The following CACNB2 variants were observed in gnomAD, a reference collection of about 807,000 sequenced individuals.
CACNB2 encodes calcium voltage-gated channel auxiliary subunit beta 2.
A neutral mutation model predicts 73.3 loss-of-function variants in CACNB2; 42 were observed. The observed-to-expected ratio is 0.57, with a 90% confidence interval of 0.45 to 0.74. The LOEUF (loss-of-function observed/expected upper bound fraction) is 0.74. Ranked by LOEUF, CACNB2 falls within the 30% of genes least tolerant of loss-of-function variation. The probability of loss-of-function intolerance (pLI) is 0.00; values close to 1 mark genes in which losing one functional copy is unlikely to be tolerated. For synonymous variants in CACNB2, 348 were observed against 310.3 expected (o/e 1.12, Z -1.28); for missense variants, 940 against 853.0 (o/e 1.10, Z -1.27).
intron 3 of CACNB2, among the ~76,000 whole-genome samples, chr10:18,489,411 A>AC (rs1328942519): frequency 2.7e-5 from 4 of 150,590 alleles, no homozygotes; most frequent in Non-Finnish European, 2.9e-5. Flanking sequence ...AAAAAAAAAA[A>AC]AAATCTTTCA....
At chr10:18,211,861 T>G (rs1468901301) in intron 2 of CACNB2, among the ~76,000 whole-genome samples, 1 of 32,340 alleles carries the variant, frequency 3.1e-5, no homozygotes, top group Non-Finnish European at 7.6e-5. Flanking sequence ...ATTTACGTGG[T>G]TTCTTTTTTT....
chr10:18,312,960 AATG>A (rs2040017082), intron 2 of CACNB2, among the ~76,000 whole-genome samples: 1 of 152,168 alleles, frequency 6.6e-6, no homozygotes. Context: ...CAATGCAATA[AATG>A]ATTGTTTTTC....
At chr10:18,526,240 C>A (rs2052458567) in intron 9 of CACNB2, among the ~76,000 whole-genome samples, 1 of 152,150 alleles carries the variant, frequency 6.6e-6, no homozygotes, top group Admixed American at 6.5e-5. Context: ...ATTCTGACCC[C>A]TGGGGATATA....
intron 5 of CACNB2, among the ~76,000 whole-genome samples, chr10:18,502,770 C>T (rs2050277836): frequency 7.0e-6 from 1 of 141,916 alleles, no homozygotes; most frequent in Non-Finnish European, 1.5e-5. Context: ...TGAGAACATA[C>T]ACCAGGAAGG....
At chr10:18,401,870 C>G (rs1242705091) in intron 2 of CACNB2, 54 bp from the exon 3 acceptor site, 3 of 1,597,648 alleles carry the variant, frequency 1.9e-6, no homozygotes, top group Non-Finnish European at 8.6e-7. Context: ...GAGACTTTTC[C>G]AATGCAAACA....
intron 2 of CACNB2, among the ~76,000 whole-genome samples, chr10:18,396,760 T>A (rs1050632261): frequency 4.1e-4 from 63 of 152,320 alleles, no homozygotes; most frequent in African/African-American, 1.4e-3. Context: ...TGTGAGCTAT[T>A]GTGCCTGGCC....
intron 2 of CACNB2, chr10:18,256,469 A>G (rs181352328): frequency 1.4e-4 from 22 of 152,294 alleles, no homozygotes; most frequent in Admixed American, 1.3e-3. Flanking sequence ...GTTCAATTCT[A>G]AACTCTTTGC....
chr10:18,386,399 ATTTT>A (rs10637329), intron 2 of CACNB2, among the ~76,000 whole-genome samples: 1 of 106,524 alleles, frequency 9.4e-6, no homozygotes, highest in Non-Finnish European at 1.8e-5. Context: ...TTTATTTATG[ATTTT>A]TTTTTTTTTT....
intron 2 of CACNB2, among the ~76,000 whole-genome samples, chr10:18,178,266 A>G (rs2033705435): frequency 6.6e-6 from 1 of 152,006 alleles, no homozygotes; most frequent in Admixed American, 6.6e-5. Flanking sequence ...TGTTTTAGTG[A>G]TGTTTGCTGC....
At chr10:18,151,893 C>T (rs550416023) in intron 2 of CACNB2, among the ~76,000 whole-genome samples, 41 of 152,322 alleles carry the variant, frequency 2.7e-4, no homozygotes, top group African/African-American at 7.0e-4. Context: ...CATTTGGATG[C>T]CACTTTCCCC....
intron 2 of CACNB2, among the ~76,000 whole-genome samples, chr10:18,230,311 CAAG>C (rs1168678146): frequency 4.6e-5 from 7 of 152,130 alleles, no homozygotes; most frequent in African/African-American, 1.4e-4. Flanking sequence ...AAAATAAAAG[CAAG>C]AAGAATGAAC....
At chr10:18,357,208 G>T (rs1377274530) in intron 2 of CACNB2, among the ~76,000 whole-genome samples, 2 of 151,910 alleles carry the variant, frequency 1.3e-5, no homozygotes, top group Non-Finnish European at 2.9e-5. Context: ...CTCCCAAAGT[G>T]CTGGGATTAC....
chr10:18,339,893 C>G (rs1416189078), intron 2 of CACNB2, among the ~76,000 whole-genome samples: 1 of 152,068 alleles, frequency 6.6e-6, no homozygotes, highest in Non-Finnish European at 1.5e-5. Flanking sequence ...TGACTGTGGG[C>G]CATAGCTTGC....
chr10:18,150,853 G>GTATTTTTTTTTTTT (rs756678637), intron 1 of CACNB2, 30 bp from the exon 2 acceptor site: 24 of 655,460 alleles, frequency 3.7e-5, no homozygotes, highest in Non-Finnish European at 4.8e-5. Flanking sequence ...AATCTTATTT[G>GTATTTTTTTTTTTT]TCTTTTTTTT....
intron 2 of CACNB2, among the ~76,000 whole-genome samples, chr10:18,165,281 T>C (rs1446611713): frequency 1.3e-5 from 2 of 152,018 alleles, no homozygotes; most frequent in East Asian, 1.9e-4. Context: ...AGAGGAGGGA[T>C]GGAAAGCGAT....
At chr10:18,464,418 T>TAAAAAAAAAAAAAAAAAAAAAAAAAAA (rs762982462) in intron 3 of CACNB2, among the ~76,000 whole-genome samples, 13 of 85,306 alleles carry the variant, frequency 1.5e-4, no homozygotes, top group East Asian at 4.0e-4. Flanking sequence ...TCTCAAAAAT[T>TAAAAAAAAAAAAAAAAAAAAAAAAAAA]AAAAAAAAAA....
chr10:18,474,545 G>T (rs893348232), intron 3 of CACNB2, among the ~76,000 whole-genome samples: 13 of 152,100 alleles, frequency 8.5e-5, no homozygotes, highest in Non-Finnish European at 1.8e-4. Flanking sequence ...TTTCCTAGGG[G>T]TTGTGTTCCC....
chr10:18,368,866 T>C (rs1459665705), intron 2 of CACNB2, among the ~76,000 whole-genome samples: 1 of 152,132 alleles, frequency 6.6e-6, no homozygotes, highest in African/African-American at 2.4e-5. Flanking sequence ...TGTAATCATG[T>C]TAAACAGTTA....
intron 2 of CACNB2, among the ~76,000 whole-genome samples, chr10:18,161,900 G>C (rs1224760048): frequency 6.6e-6 from 1 of 152,040 alleles, no homozygotes; most frequent in East Asian, 1.9e-4. Flanking sequence ...CTGCACTCCA[G>C]CCTGGGTGAC....
Sources: allele counts gnomAD v4.1 joint callset (sites outside exome capture counted in the v4.1 genomes callset), GRCh38; gene constraint gnomAD v4.1.1; transcripts MANE v1.5; gene names NCBI Gene and HGNC (gene_info 2026-07-23, HGNC 2026-07-21).